Variants in CTBP2 observed in about 807,000 individuals in gnomAD.
The protein encoded by CTBP2 is C-terminal binding protein 2.
In CTBP2, 30 loss-of-function variants were observed where a neutral mutation model predicts 80.3. The ratio of observed to expected loss-of-function variants is 0.37; its 90% CI spans 0.28 to 0.51. The LOEUF is 0.51. Ranked by LOEUF, CTBP2 falls within the 20% of genes least tolerant of loss-of-function variation. The pLI, the probability that CTBP2 is intolerant of heterozygous loss-of-function variation, is 0.93. For missense variants in CTBP2, 1,212 were observed against 1,375.3 expected (o/e 0.88, Z 1.88); for synonymous variants, 594 against 587.4 (o/e 1.01, Z -0.16).
chr10:125,146,282 AT>A (rs34558482), intron 1 of CTBP2, among the ~76,000 whole-genome samples: 60,050 of 136,290 alleles, frequency 0.44, 12,508 homozygotes, highest in South Asian at 0.62. Flanking sequence ...CCTAAGTGAG[AT>A]TTTTTTTTTT....
chr10:125,005,854 C>A, intron 1 of CTBP2: 1 of 1,574,046 alleles, frequency 6.4e-7, no homozygotes, highest in Non-Finnish European at 8.6e-7. Context: ...CCCAACTTCA[C>A]TTTCAGGGGT....
At chr10:125,043,012 G>A (rs1158333561) in intron 2 of CTBP2, among the ~76,000 whole-genome samples, 3 of 152,170 alleles carry the variant, frequency 2.0e-5, no homozygotes, top group Non-Finnish European at 4.4e-5. Context: ...ATCTAGGGCT[G>A]AAATATTTGG....
At chr10:125,110,382 T>C (rs1852103164) in intron 2 of CTBP2, among the ~76,000 whole-genome samples, 3 of 152,228 alleles carry the variant, frequency 2.0e-5, no homozygotes, top group Admixed American at 2.0e-4. Context: ...AAAACCCTGC[T>C]ACGGGCACAG....
chr10:124,994,562 C>T lies in CTBP2; in HGVS notation c.2307G>A (p.Leu769=). ...AGTCGCTCTGATACAGCAAATCCTG[C>T]AGGGTGTAGACCCTCTGCACGCCCA... is the stretch of plus-strand genomic sequence containing the variant. Residue 769 remains leucine (L), a synonymous_variant, in exon 5 of 9, where the codon CTG becomes CTA. Coordinates refer to ENST00000309035, the MANE Select transcript of CTBP2 (RefSeq NM_022802.3). 1.9e-6 allele frequency: 3 copies of T among 1,614,042 alleles called. No homozygotes were observed. Among genetic ancestry groups the T allele is most frequent in the Non-Finnish European group, 2.5e-6 (3 of 1,179,878 alleles).
intron 2 of CTBP2, among the ~76,000 whole-genome samples, chr10:125,068,191 C>T (rs780340886): frequency 3.3e-4 from 51 of 152,270 alleles, no homozygotes; most frequent in African/African-American, 1.2e-3. Context: ...AGAGTTCTGC[C>T]CCACGACCAT....
intron 1 of CTBP2, among the ~76,000 whole-genome samples, chr10:125,134,635 C>G (rs1001987286): frequency 1.3e-5 from 2 of 152,172 alleles, no homozygotes; most frequent in African/African-American, 4.8e-5. Context: ...TCCTTTTCTG[C>G]CCCCGCACCA....
At chr10:125,047,569 G>T (rs1476645610) in intron 2 of CTBP2, among the ~76,000 whole-genome samples, 1 of 152,090 alleles carries the variant, frequency 6.6e-6, no homozygotes, top group Non-Finnish European at 1.5e-5. Flanking sequence ...TGAACTTGAG[G>T]ACTTGCAAAG....
intron 2 of CTBP2, among the ~76,000 whole-genome samples, chr10:125,072,634 G>GAAAAAAAAAAAAAAAAAAAAAAAA (rs55742060): frequency 4.0e-5 from 4 of 100,142 alleles, no homozygotes; most frequent in African/African-American, 1.2e-4. Context: ...AAAAAGAAAA[G>GAAAAAAAAAAAAAAAAAAAAAAAA]AAAAAAAAAA....
intron 1 of CTBP2, among the ~76,000 whole-genome samples, chr10:125,151,923 G>A (rs537003624): frequency 6.6e-6 from 1 of 152,306 alleles, no homozygotes; most frequent in East Asian, 1.9e-4. Context: ...GGAGCGGGGG[G>A]AGGGGGCAGG....
chr10:125,033,935 G>A (rs1393974683), intron 3 of CTBP2, among the ~76,000 whole-genome samples: 1 of 152,132 alleles, frequency 6.6e-6, no homozygotes, highest in Admixed American at 6.5e-5. Context: ...GGCAGGAGCT[G>A]AAAACCGCAG....
At chr10:125,102,618 A>C (rs546597802) in intron 2 of CTBP2, among the ~76,000 whole-genome samples, 1 of 152,310 alleles carries the variant, frequency 6.6e-6, no homozygotes, top group South Asian at 2.1e-4. Context: ...TGCTGTAATG[A>C]GGGAGTGGCA....
upstream of CTBP2, among the ~76,000 whole-genome samples, chr10:125,028,335 G>A (rs1184784896): frequency 2.0e-5 from 3 of 152,170 alleles, no homozygotes; most frequent in African/African-American, 7.2e-5. Context: ...AGAGGTAACA[G>A]AAGCAAAATA....
chr10:125,112,003 T>G (rs1852362095), intron 1 of CTBP2, among the ~76,000 whole-genome samples: 1 of 151,810 alleles, frequency 6.6e-6, no homozygotes, highest in Non-Finnish European at 1.5e-5. Context: ...TCTAAAGACA[T>G]GAGCTGCTGC....
chr10:125,141,748 G>A (rs528715363), intron 1 of CTBP2, among the ~76,000 whole-genome samples: 44 of 151,818 alleles, frequency 2.9e-4, no homozygotes, highest in Non-Finnish European at 5.2e-4. Flanking sequence ...GGTACACAGC[G>A]AGCACACAGT....
At chr10:125,135,397 T>C (rs10901868) in intron 1 of CTBP2, among the ~76,000 whole-genome samples, 68,855 of 151,990 alleles carry the variant, frequency 0.45, 15,935 homozygotes, top group East Asian at 0.71. Flanking sequence ...CAGATTCTTT[T>C]TCTATAGAAA....
At chr10:124,997,285 G>A (rs974448319) in intron 4 of CTBP2, 1 of 152,484 alleles carries the variant, frequency 6.6e-6, no homozygotes, top group African/African-American at 2.4e-5. Flanking sequence ...GTGGGGTTGA[G>A]ATTCAGTGGC....
intron 1 of CTBP2, 103 bp from the exon 4 acceptor site, chr10:125,003,595 G>A (rs887445963): frequency 6.4e-6 from 6 of 942,934 alleles, no homozygotes; most frequent in Non-Finnish European, 9.1e-6. Flanking sequence ...GCTTGGGCAA[G>A]CGAGGGTGGC....
In CTBP2 at chr10:125,072,634, GAAAAAAAAAAAA is replaced by G. The variant is rs55742060; in HGVS notation, c.-101-33491_-101-33480del. The stretch of plus-strand genomic sequence containing the variant: ...TGAGACTCTGTCTCAAAAAAGAAAA[GAAAAAAAAAAAA>G]AAAAAAAAAAAGGAAACTGACAAGA... On this transcript the variant is annotated intron_variant, in intron 2 of 10. Coordinates refer to the CTBP2 transcript ENST00000337195. Among the ~76,000 whole-genome samples, 34 of 100,144 alleles carry G rather than the reference GAAAAAAAAAAAA, an allele frequency of 3.4e-4. 1 individual carries two copies. The highest frequency in any genetic ancestry group is 9.1e-4 in the African/African-American group (23 of 25,364). The allele number at this position is 100,144 out of a possible 152,430, so 65.7% of individuals were successfully genotyped here. A position where few individuals can be genotyped will look rare whatever the true frequency, so the allele number is the denominator to read the frequency against.
At chr10:125,142,521 C>T (rs571410035) in intron 1 of CTBP2, among the ~76,000 whole-genome samples, 3 of 152,264 alleles carry the variant, frequency 2.0e-5, no homozygotes, top group South Asian at 2.1e-4. Context: ...AGAGAACTTT[C>T]CTCGGTGATG....
Sources: allele counts gnomAD v4.1 joint callset (sites outside exome capture counted in the v4.1 genomes callset), GRCh38; gene constraint gnomAD v4.1.1; transcripts MANE v1.5; gene names NCBI Gene and HGNC (gene_info 2026-07-23, HGNC 2026-07-21).